BTD: variants seen among roughly 807,000 people sequenced by gnomAD.
BTD encodes the protein biocytinase.
In BTD, 13 loss-of-function variants were observed where a neutral mutation model predicts 17.7. The ratio of observed to expected loss-of-function variants is 0.74; its 90% CI spans 0.48 to 1.17. The LOEUF (loss-of-function observed/expected upper bound fraction) is 1.17, where lower values mean the gene tolerates loss of function less well. Ranked by LOEUF, BTD falls within the 50% of genes most tolerant of loss-of-function variation. BTD has a pLI of 0.00. For synonymous variants in BTD, 240 were observed against 245.2 expected (o/e 0.98, Z 0.20); for missense variants, 674 against 650.4 (o/e 1.04, Z -0.39).
At chr3:15,708,210 C>T (rs2071731078) in intron 3 of BTD, 3 of 904,902 alleles carry the variant, frequency 3.3e-6, no homozygotes, top group South Asian at 3.8e-5. Flanking sequence ...TTGCGGAGGA[C>T]TGGACATAAA....
intron 3 of BTD, chr3:15,709,798 G>A: frequency 1.8e-6 from 2 of 1,105,720 alleles, no homozygotes; most frequent in African/African-American, 1.6e-5. Flanking sequence ...GAAATTGGTA[G>A]GTTTAAAGAA....
exon 4 of BTD, among the ~76,000 whole-genome samples, chr3:15,710,526 C>T (rs1399996617): frequency 2.0e-5 from 3 of 152,132 alleles, no homozygotes; most frequent in Admixed American, 1.3e-4. Flanking sequence ...CTTGGTTCAA[C>T]GTACTCGTCC....
intron 3 of BTD, among the ~76,000 whole-genome samples, chr3:15,692,156 A>C (rs1438013456): frequency 6.6e-6 from 1 of 151,424 alleles, no homozygotes; most frequent in Admixed American, 6.6e-5. Context: ...AAAAAAAAAA[A>C]AAAAAAAAAA....
downstream of BTD, among the ~76,000 whole-genome samples, chr3:15,655,412 TCTA>T (rs1353532886): frequency 1.3e-5 from 2 of 152,250 alleles, no homozygotes; most frequent in Admixed American, 1.3e-4. Context: ...GCCCTTGTGT[TCTA>T]CTGGCCCCTG....
At chr3:15,713,929 C>T (rs186199421), downstream of BTD, among the ~76,000 whole-genome samples, 5 of 152,264 alleles carry the variant, frequency 3.3e-5, no homozygotes, top group South Asian at 2.1e-4. Context: ...AAATTAAACA[C>T]GTTTCTTTAG....
intron 2 of BTD, among the ~76,000 whole-genome samples, chr3:15,639,575 A>G (rs1226285770): frequency 1.3e-5 from 2 of 152,180 alleles, no homozygotes; most frequent in African/African-American, 4.8e-5. Context: ...TTAAATAGCA[A>G]AGTCAAACGG....
chr3:15,717,260 C>T (rs891775914), downstream of BTD, among the ~76,000 whole-genome samples: 1 of 152,062 alleles, frequency 6.6e-6, no homozygotes, highest in African/African-American at 2.4e-5. Context: ...ACTAAAGGCA[C>T]ACACAACTGG....
intron 3 of BTD, chr3:15,668,197 G>C (rs1385731084): frequency 6.6e-6 from 1 of 152,158 alleles, no homozygotes; most frequent in Non-Finnish European, 1.5e-5. Flanking sequence ...GATCACCCTT[G>C]TAGAAGGGAC....
At chr3:15,670,740 T>G (rs2066253551) in intron 3 of BTD, among the ~76,000 whole-genome samples, 1 of 152,056 alleles carries the variant, frequency 6.6e-6, no homozygotes, top group South Asian at 2.1e-4. Flanking sequence ...CATAGAAACC[T>G]AGGGTGGAAG....
chr3:15,663,019 C>T (rs1359032155), intron 3 of BTD, among the ~76,000 whole-genome samples: 15 of 150,276 alleles, frequency 1.0e-4, no homozygotes, highest in African/African-American at 2.4e-4. Flanking sequence ...TTTTTTGAGA[C>T]GGAGTTTCGC....
chr3:15,621,099 G>A (rs9830528), intron 1 of BTD, among the ~76,000 whole-genome samples: 2,526 of 152,264 alleles, frequency 0.017, 57 homozygotes, highest in African/African-American at 0.043. Context: ...TTCTGTTTTC[G>A]TTCTCTCTTG....
At chr3:15,623,150 T>G (rs1033769734) in intron 1 of BTD, among the ~76,000 whole-genome samples, 3 of 152,206 alleles carry the variant, frequency 2.0e-5, no homozygotes, top group Non-Finnish European at 4.4e-5. Flanking sequence ...CTCCCATGAT[T>G]CAATTATCTC....
At chr3:15,673,877 T>C (rs183610097) in intron 3 of BTD, among the ~76,000 whole-genome samples, 20 of 152,050 alleles carry the variant, frequency 1.3e-4, no homozygotes, top group African/African-American at 4.8e-4. Context: ...GGACACATCA[T>C]GTAGGGCCTA....
At chr3:15,710,579 A>G (rs2072132016) in exon 4 of BTD, among the ~76,000 whole-genome samples, 1 of 152,236 alleles carries the variant, frequency 6.6e-6, no homozygotes, top group Non-Finnish European at 1.5e-5. Context: ...CATTGAGAAT[A>G]ACGTTTTTGC....
exon 4 of BTD, among the ~76,000 whole-genome samples, chr3:15,710,285 T>G (rs553449391): frequency 1.3e-5 from 2 of 152,334 alleles, no homozygotes; most frequent in East Asian, 3.9e-4. Flanking sequence ...GGATATAACT[T>G]AAGTATTTCT....
chr3:15,614,672 A>G (rs2064742278), intron 1 of BTD, among the ~76,000 whole-genome samples: 1 of 146,434 alleles, frequency 6.8e-6, no homozygotes, highest in African/African-American at 2.6e-5. Flanking sequence ...ATCTTAGCTC[A>G]CTGCCACCTC....
intron 4 of BTD, among the ~76,000 whole-genome samples, chr3:15,718,479 C>T (rs1230011389): frequency 6.6e-6 from 1 of 152,138 alleles, no homozygotes; most frequent in African/African-American, 2.4e-5. Context: ...CTAAGTGGGC[C>T]TCTTAGAGGA....
intron 3 of BTD, 104 bp downstream of exon 3, chr3:15,642,161 A>T: frequency 1.3e-6 from 2 of 1,544,798 alleles, no homozygotes; most frequent in Non-Finnish European, 8.7e-7. Flanking sequence ...GGAGACCTTA[A>T]CATCCCCAAA....
downstream of BTD, among the ~76,000 whole-genome samples, chr3:15,653,837 G>A (rs139802347): frequency 4.5e-3 from 688 of 152,342 alleles, 7 homozygotes; most frequent in African/African-American, 0.015. Context: ...TTAGTTCCGT[G>A]TAAAATACTG....
Sources: gnomAD v4.1 joint callset for allele counts (sites outside exome capture counted in the v4.1 genomes callset) on GRCh38, gnomAD v4.1.1 for gene constraint, MANE v1.5 for transcripts, NCBI Gene and HGNC (gene_info 2026-07-23, HGNC 2026-07-21) for gene names.